ZFHX3: variants seen among roughly 807,000 people sequenced by gnomAD.
The protein encoded by ZFHX3 is zinc finger homeobox protein 3.
In ZFHX3, 42 loss-of-function variants were observed where a neutral mutation model predicts 279.1. The ratio of observed to expected loss-of-function variants is 0.15; its 90% confidence interval spans 0.12 to 0.19. The LOEUF (loss-of-function observed/expected upper bound fraction) is 0.19. Ranked by LOEUF, ZFHX3 falls within the 10% of genes least tolerant of loss-of-function variation. ZFHX3 has a pLI of 1.00. For missense variants in ZFHX3, 4,981 were observed against 4,754.0 expected (o/e 1.05, Z -1.40); for synonymous variants, 2,293 against 1,957.8 (o/e 1.17, Z -4.52).
At chr16:73,722,138 G>A (rs535437249) in intron 1 of ZFHX3, among the ~76,000 whole-genome samples, 9 of 152,272 alleles carry the variant, frequency 5.9e-5, no homozygotes, top group African/African-American at 2.2e-4. Flanking sequence ...TGCTCAACTG[G>A]GTACTGGGCC....
intron 2 of ZFHX3, among the ~76,000 whole-genome samples, chr16:73,667,116 C>G (rs2052850601): frequency 1.3e-5 from 2 of 152,030 alleles, no homozygotes; most frequent in African/African-American, 4.8e-5. Context: ...CTCAGCCTCC[C>G]AAGTAGCTGG....
chr16:73,179,445 A>G (rs1265259905), intron 5 of ZFHX3, among the ~76,000 whole-genome samples: 1 of 152,208 alleles, frequency 6.6e-6, no homozygotes, highest in Non-Finnish European at 1.5e-5. Flanking sequence ...GTCAAAGGTT[A>G]TATTGAAATC....
chr16:73,809,874 G>A (rs1360802287), intron 1 of ZFHX3: 1 of 152,312 alleles, frequency 6.6e-6, no homozygotes, highest in East Asian at 1.9e-4. Context: ...TGGTAAAAAT[G>A]TCATCCCCAC....
intron 3 of ZFHX3, among the ~76,000 whole-genome samples, chr16:73,366,908 A>G (rs1301342202): frequency 1.3e-5 from 2 of 152,152 alleles, no homozygotes; most frequent in East Asian, 3.9e-4. Context: ...GACATAGCTG[A>G]AAAGTATTTT....
chr16:73,790,406 T>C (rs894035919), intron 1 of ZFHX3, among the ~76,000 whole-genome samples: 1 of 152,204 alleles, frequency 6.6e-6, no homozygotes, highest in South Asian at 2.1e-4. Flanking sequence ...AAAGTGGGTA[T>C]CTGTTCTGTG....
chr16:73,559,904 G>A (rs1018866988), intron 2 of ZFHX3, among the ~76,000 whole-genome samples: 5 of 152,182 alleles, frequency 3.3e-5, no homozygotes, highest in Admixed American at 3.3e-4. Context: ...CTGTGAGCAG[G>A]TTTGTGTTCA....
At chr16:73,603,476 C>T (rs904033426) in intron 2 of ZFHX3, among the ~76,000 whole-genome samples, 16 of 151,930 alleles carry the variant, frequency 1.1e-4, no homozygotes, top group African/African-American at 1.5e-4. Context: ...ATTAAAAATA[C>T]GAGAATACTG....
At chr16:73,106,372 T>C (rs1966304942) in intron 7 of ZFHX3, among the ~76,000 whole-genome samples, 1 of 152,148 alleles carries the variant, frequency 6.6e-6, no homozygotes. Flanking sequence ...GTGTCAGTTT[T>C]TGGGTTCCAA....
At chr16:73,614,970 G>A (rs1220879970) in intron 2 of ZFHX3, among the ~76,000 whole-genome samples, 1 of 151,970 alleles carries the variant, frequency 6.6e-6, no homozygotes. Context: ...ATGTTGCCCA[G>A]GCTGATCTCG....
intron 1 of ZFHX3, among the ~76,000 whole-genome samples, chr16:73,688,078 T>C (rs2053109065): frequency 6.6e-6 from 1 of 151,768 alleles, no homozygotes; most frequent in Admixed American, 6.6e-5. Context: ...ATCTTGAGCC[T>C]GGGCACAGTG....
intron 1 of ZFHX3, among the ~76,000 whole-genome samples, chr16:73,802,245 C>G (rs1176072655): frequency 1.3e-5 from 2 of 152,062 alleles, no homozygotes; most frequent in East Asian, 1.9e-4. Context: ...TTAGGCAATT[C>G]TGATGACCTC....
chr16:72,793,158 C>A lies in ZFHX3; in HGVS notation c.9427+97G>T. ...AGAACTAGAAAGGTAAGCTTCCCAT[C>A]TGCCCAGCACTCAGAGGGTTTGGGT... On this transcript the variant is annotated intron_variant, in intron 9 of 9. Coordinates refer to ENST00000268489, the MANE Select transcript of ZFHX3 (RefSeq NM_006885.4). The surrounding 1 kb of genome is among the most constrained non-coding windows in gnomAD (Gnocchi z 4.3). The A allele has an allele frequency of 6.6e-7, 1 of 1,508,976 alleles. No individual in the cohort carries two copies. The highest frequency in any genetic ancestry group is 1.4e-5 in the South Asian group (1 of 73,020). The allele number at this position is 1,508,976 out of a possible 1,614,324, so 93.5% of individuals were successfully genotyped here.
chr16:73,610,867 C>T (rs919035675), intron 2 of ZFHX3, among the ~76,000 whole-genome samples: 6 of 152,182 alleles, frequency 3.9e-5, no homozygotes, highest in African/African-American at 1.4e-4. Context: ...TTGTCAAAAG[C>T]CAGGGGCTTG....
chr16:73,407,622 G>C (rs532108382), intron 3 of ZFHX3, among the ~76,000 whole-genome samples: 6 of 152,120 alleles, frequency 3.9e-5, no homozygotes, highest in Non-Finnish European at 7.4e-5. Flanking sequence ...CACCTCCTAG[G>C]CTGGTGTTAG....
chr16:73,889,698 GT>G (rs1174517965), intron 1 of ZFHX3, among the ~76,000 whole-genome samples: 2 of 152,110 alleles, frequency 1.3e-5, no homozygotes, highest in Non-Finnish European at 2.9e-5. Context: ...CAGTGTATGG[GT>G]TAATTCTCAC....
At chr16:73,604,804 A>G (rs949794718) in intron 2 of ZFHX3, among the ~76,000 whole-genome samples, 1 of 151,850 alleles carries the variant, frequency 6.6e-6, no homozygotes, top group African/African-American at 2.4e-5. Flanking sequence ...CCCCATGCTA[A>G]ACAGTGCAGG....
At chr16:73,632,684 C>CAA (rs61449751) in intron 2 of ZFHX3, among the ~76,000 whole-genome samples, 6,207 of 107,192 alleles carry the variant, frequency 0.058, 478 homozygotes, top group African/African-American at 0.19. Context: ...GACTCTGTCT[C>CAA]AAAAAAAAAA....
At chr16:72,947,282 T>C (rs1960729937) in intron 3 of ZFHX3, among the ~76,000 whole-genome samples, 1 of 152,200 alleles carries the variant, frequency 6.6e-6, no homozygotes, top group African/African-American at 2.4e-5. Flanking sequence ...ATTTAAACAT[T>C]AGTATCACAC....
At chr16:73,181,358 G>C (rs1016677166) in intron 5 of ZFHX3, among the ~76,000 whole-genome samples, 1 of 152,138 alleles carries the variant, frequency 6.6e-6, no homozygotes, top group African/African-American at 2.4e-5. Flanking sequence ...CAAAAGTACT[G>C]GGATTACAGG....
Sources: gnomAD v4.1 joint callset for allele counts (sites outside exome capture counted in the v4.1 genomes callset) on GRCh38, gnomAD v4.1.1 for gene constraint, Gnocchi (gnomAD v3.1) non-coding constraint, MANE v1.5 for transcripts, NCBI Gene and HGNC (gene_info 2026-07-23, HGNC 2026-07-21) for gene names.